The following GALNT13 variants were observed in gnomAD, a reference collection of about 807,000 sequenced individuals.
GALNT13 encodes polypeptide N-acetylgalactosaminyltransferase 13, also known as UDP-GalNAc:polypeptide N-acetylgalactosaminyltransferase 13.
GALNT13 carries 28 observed loss-of-function variants against 64.2 expected under a neutral mutation model. The ratio of observed to expected loss-of-function variants is 0.44; its 90% CI spans 0.32 to 0.60. The LOEUF is 0.60. Among genes scored for constraint, GALNT13 ranks in the 20% least tolerant of loss-of-function variants. The pLI is 0.05. For synonymous variants in GALNT13, 214 were observed against 224.6 expected, an observed-to-expected ratio of 0.95 and a Z score of 0.42; for missense variants, 577 against 669.8, an observed-to-expected ratio of 0.86 and a Z score of 1.53.
chr2:153,873,773 C>A (rs535084435), intron 1 of GALNT13, among the ~76,000 whole-genome samples: 8 of 152,186 alleles, frequency 5.3e-5, no homozygotes, highest in African/African-American at 1.9e-4. Flanking sequence ...TGAATATTTT[C>A]AGCTTTATGT....
chr2:154,150,523 C>T (rs545731569), intron 4 of GALNT13, among the ~76,000 whole-genome samples: 9 of 152,288 alleles, frequency 5.9e-5, no homozygotes, highest in South Asian at 4.1e-4. Context: ...CCTCCTTGTA[C>T]CTCTGGTAGA....
chr2:153,847,046 G>C, the GALNT13 span, among the ~76,000 whole-genome samples: 1 of 151,926 alleles, frequency 6.6e-6, no homozygotes, highest in Non-Finnish European at 1.5e-5. Context: ...TAAAAGGATG[G>C]CAAAATGTAT....
chr2:153,435,510 A>G, the GALNT13 span, among the ~76,000 whole-genome samples: 1 of 151,668 alleles, frequency 6.6e-6, no homozygotes, highest in Admixed American at 6.6e-5. Flanking sequence ...TTCCTTGAGC[A>G]GTGGTTTGTA....
At chr2:153,782,363 A>G in the GALNT13 span, among the ~76,000 whole-genome samples, 1 of 152,174 alleles carries the variant, frequency 6.6e-6, no homozygotes, top group Non-Finnish European at 1.5e-5. Flanking sequence ...GGTATAGCCT[A>G]TTCCTCCTAG....
At chr2:153,355,471 A>G in the GALNT13 span, among the ~76,000 whole-genome samples, 7 of 152,332 alleles carry the variant, frequency 4.6e-5, no homozygotes, top group Admixed American at 1.3e-4. Context: ...TGCTTAGAAC[A>G]TAGATATTTC....
At chr2:154,058,614 T>A (rs149870002) in intron 3 of GALNT13, among the ~76,000 whole-genome samples, 173 of 152,244 alleles carry the variant, frequency 1.1e-3, no homozygotes, top group African/African-American at 4.0e-3. Context: ...TGTGGATATT[T>A]GGGAAGTTCG....
chr2:153,948,964 C>T (rs1691973614), intron 3 of GALNT13, among the ~76,000 whole-genome samples: 1 of 150,832 alleles, frequency 6.6e-6, no homozygotes, highest in South Asian at 2.1e-4. Flanking sequence ...ACTGATGGAA[C>T]AAACCTGCAC....
the GALNT13 span, among the ~76,000 whole-genome samples, chr2:153,786,048 A>T: frequency 6.6e-6 from 1 of 151,778 alleles, no homozygotes; most frequent in African/African-American, 2.4e-5. Flanking sequence ...ACTCCCAGTA[A>T]CAGCGGCTCC....
chr2:153,788,435 AG>A, the GALNT13 span, among the ~76,000 whole-genome samples: 4 of 152,186 alleles, frequency 2.6e-5, no homozygotes, highest in Admixed American at 2.6e-4. Flanking sequence ...ATGCCTTACA[AG>A]AGCTCCTAAA....
the GALNT13 span, among the ~76,000 whole-genome samples, chr2:153,409,561 A>G: frequency 3.9e-5 from 6 of 152,064 alleles, no homozygotes; most frequent in African/African-American, 1.4e-4. Flanking sequence ...AAAAATTAGT[A>G]AATTTAGAGA....
At chr2:153,401,832 G>A in the GALNT13 span, among the ~76,000 whole-genome samples, 1 of 151,978 alleles carries the variant, frequency 6.6e-6, no homozygotes, top group African/African-American at 2.4e-5. Context: ...CTGCACGTGA[G>A]ATGGGTTTCC....
the GALNT13 span, among the ~76,000 whole-genome samples, chr2:153,641,353 C>T: frequency 3.1e-4 from 47 of 152,228 alleles, no homozygotes; most frequent in African/African-American, 1.1e-3. Context: ...AACTGACACA[C>T]AGAATTAAAA....
chr2:153,987,931 A>G (rs996361576), intron 3 of GALNT13, among the ~76,000 whole-genome samples: 2 of 151,906 alleles, frequency 1.3e-5, no homozygotes, highest in African/African-American at 2.4e-5. Context: ...AACTATTCCT[A>G]CAGTTAGGAT....
chr2:154,376,228 A>C (rs1285335429), intron 9 of GALNT13, among the ~76,000 whole-genome samples: 1 of 152,152 alleles, frequency 6.6e-6, no homozygotes, highest in African/African-American at 2.4e-5. Flanking sequence ...CTTTTCTAAA[A>C]ATTGTATTAC....
chr2:153,478,130 T>C, the GALNT13 span: 12 of 830,698 alleles, frequency 1.4e-5, no homozygotes, highest in East Asian at 2.3e-4. Context: ...AGAGAAATAA[T>C]TGACTCCGAC....
intron 3 of GALNT13, among the ~76,000 whole-genome samples, chr2:154,135,404 A>T (rs1159895350): frequency 6.6e-6 from 1 of 152,204 alleles, no homozygotes; most frequent in African/African-American, 2.4e-5. Flanking sequence ...GCTAGACTTG[A>T]TGCAGCCGGG....
At chr2:154,145,438 C>T (rs1304307887) in intron 4 of GALNT13, among the ~76,000 whole-genome samples, 1 of 151,688 alleles carries the variant, frequency 6.6e-6, no homozygotes, top group Non-Finnish European at 1.5e-5. Context: ...AAATAGATGC[C>T]ATTTTGTTTG....
chr2:154,195,456 C>G (rs1228572797), intron 4 of GALNT13, among the ~76,000 whole-genome samples: 1 of 152,048 alleles, frequency 6.6e-6, no homozygotes, highest in Non-Finnish European at 1.5e-5. Flanking sequence ...CCGGGTGAAA[C>G]AGAGAATTCC....
chr2:153,195,404 G>A, the GALNT13 span, among the ~76,000 whole-genome samples: 3 of 152,164 alleles, frequency 2.0e-5, no homozygotes, highest in African/African-American at 7.2e-5. Flanking sequence ...GTGAGCCTAG[G>A]GTCCAGCCAC....
Sources: gnomAD v4.1 joint callset for allele counts (sites outside exome capture counted in the v4.1 genomes callset) on GRCh38, gnomAD v4.1.1 for gene constraint, MANE v1.5 for transcripts, NCBI Gene and HGNC (gene_info 2026-07-23, HGNC 2026-07-21) for gene names.